The following RGS9 variants were observed in gnomAD, a reference collection of about 807,000 sequenced individuals.
The protein encoded by RGS9 is regulator of G protein signaling 9.
Under a neutral mutation model 102.0 loss-of-function variants are expected in RGS9, and 78 were observed. That is an observed-to-expected ratio of 0.76 (90% CI 0.64 to 0.92). RGS9 has a LOEUF of 0.92. Among genes scored for constraint, RGS9 ranks in the 40% least tolerant of loss-of-function variants. The pLI is 0.00. For synonymous variants in RGS9, 353 were observed against 318.6 expected (o/e 1.11, Z -1.15); for missense variants, 833 against 866.1 (o/e 0.96, Z 0.48).
rs143580636 is a variant in RGS9 at position 65,184,790 on chromosome 17, CTCTT to C, written c.655-4484_655-4481del. Reference sequence around the variant, plus strand: ...TTTCATTCTTTGTTTCTTTCTCTTTCTCTTTCTTTCTTTCTCTTTCTTTCCTCTC... The same window carrying C: ...TTTCATTCTTTGTTTCTTTCTCTTTCTCTTTCTTTCTCTTTCTTTCCTCTC... On this transcript the variant is annotated intron_variant, in intron 9 of 18. Transcript: ENST00000262406. 7.2e-3 allele frequency among the ~76,000 whole-genome samples: 1,033 copies of C among 144,316 alleles called. 12 individuals carry two copies. The highest frequency in any genetic ancestry group is 0.024 in the African/African-American group (932 of 38,284). The allele number at this position is 144,316 out of a possible 152,430, so 94.7% of individuals were successfully genotyped here.
intron 1 of RGS9, among the ~76,000 whole-genome samples, chr17:65,139,107 C>G (rs1338636632): frequency 1.1e-4 from 1 of 9,330 alleles, no homozygotes; most frequent in South Asian, 6.7e-3. Flanking sequence ...AGCTCTCCCC[C>G]CTCCACCCCA....
At chr17:65,192,513 C>T (rs193248325) in intron 11 of RGS9, among the ~76,000 whole-genome samples, 1 of 151,832 alleles carries the variant, frequency 6.6e-6, no homozygotes, top group African/African-American at 2.4e-5. Flanking sequence ...CATCATGACA[C>T]TGACGTGGGA....
chr17:65,178,093 C>A (rs191460134), intron 9 of RGS9, among the ~76,000 whole-genome samples: 1 of 152,240 alleles, frequency 6.6e-6, no homozygotes, highest in Non-Finnish European at 1.5e-5. Context: ...TCACTTCCCC[C>A]TTCGAAAATC....
intron 17 of RGS9, among the ~76,000 whole-genome samples, chr17:65,219,711 A>T (rs1166555782): frequency 1.3e-5 from 2 of 152,210 alleles, no homozygotes; most frequent in African/African-American, 4.8e-5. Context: ...CCAGGGACAA[A>T]ATATGAGTAA....
intron 9 of RGS9, among the ~76,000 whole-genome samples, chr17:65,187,128 T>C (rs973724711): frequency 6.6e-6 from 1 of 152,252 alleles, no homozygotes. Context: ...TGGAAAAAAA[T>C]GCTATTAAGC....
At chr17:65,168,111 GA>G (rs750676979) in intron 7 of RGS9, 88 bp from the exon 8 acceptor site, 15 of 812,690 alleles carry the variant, frequency 1.8e-5, no homozygotes, top group Non-Finnish European at 3.1e-5. Flanking sequence ...CAGGTTGGGA[GA>G]GGGGTCTAGG....
intron 8 of RGS9, among the ~76,000 whole-genome samples, chr17:65,169,278 A>C (rs1049625429): frequency 4.6e-5 from 7 of 152,070 alleles, no homozygotes; most frequent in Non-Finnish European, 8.8e-5. Context: ...TGTGTTGCTG[A>C]GGTTAAGGTG....
intron 1 of RGS9, among the ~76,000 whole-genome samples, chr17:65,150,739 C>A (rs1448162231): frequency 6.6e-6 from 1 of 152,204 alleles, no homozygotes; most frequent in Non-Finnish European, 1.5e-5. Context: ...TCTGCATTGT[C>A]CTAGAATATC....
intron 1 of RGS9, among the ~76,000 whole-genome samples, chr17:65,142,448 C>A (rs528869634): frequency 1.1e-4 from 16 of 152,246 alleles, no homozygotes; most frequent in Non-Finnish European, 1.8e-4. Context: ...GAGTAATTCT[C>A]AACCTGGGCT....
chr17:65,177,177 C>CCCAT (rs1911673413), intron 8 of RGS9, among the ~76,000 whole-genome samples: 1 of 146,272 alleles, frequency 6.8e-6, no homozygotes, highest in Non-Finnish European at 1.5e-5. Context: ...CATCCATCCA[C>CCCAT]CCATCCATCC....
At chr17:65,200,917 A>G (rs1191113867) in intron 13 of RGS9, among the ~76,000 whole-genome samples, 2 of 152,272 alleles carry the variant, frequency 1.3e-5, no homozygotes, top group Non-Finnish European at 2.9e-5. Flanking sequence ...GTGTCCATTG[A>G]CTGTTTATGT....
chr17:65,145,776 T>C (rs1227667784), intron 1 of RGS9, among the ~76,000 whole-genome samples: 2 of 152,066 alleles, frequency 1.3e-5, no homozygotes, highest in African/African-American at 4.8e-5. Flanking sequence ...TGTACGAATT[T>C]GTAGGGGGAC....
intron 1 of RGS9, among the ~76,000 whole-genome samples, chr17:65,151,082 T>C (rs1012649757): frequency 5.3e-5 from 8 of 152,204 alleles, no homozygotes. Context: ...TGGTGGCTCA[T>C]GCCTATAATG....
At chr17:65,162,681 T>C (rs1277286901) in intron 6 of RGS9, among the ~76,000 whole-genome samples, 1 of 151,566 alleles carries the variant, frequency 6.6e-6, no homozygotes, top group East Asian at 1.9e-4. Flanking sequence ...ATGTTAGCCA[T>C]GATGGTCTCG....
chr17:65,142,542 CTT>C (rs1351437793), intron 1 of RGS9, among the ~76,000 whole-genome samples: 1 of 148,988 alleles, frequency 6.7e-6, no homozygotes. Flanking sequence ...AAGCATTGGT[CTT>C]TTTATGCCAC....
chr17:65,188,948 A>G, intron 9 of RGS9: 1 of 333,260 alleles, frequency 3.0e-6, no homozygotes, highest in Non-Finnish European at 5.6e-6. Flanking sequence ...TATCTCAGAC[A>G]GGAATCTGTA....
intron 8 of RGS9, among the ~76,000 whole-genome samples, chr17:65,170,293 T>A (rs1911364061): frequency 6.6e-6 from 1 of 152,174 alleles, no homozygotes; most frequent in African/African-American, 2.4e-5. Flanking sequence ...GACCTCGTGA[T>A]CTGCCTGCCT....
intron 17 of RGS9, among the ~76,000 whole-genome samples, chr17:65,224,660 T>C (rs955838105): frequency 6.6e-6 from 1 of 152,116 alleles, no homozygotes; most frequent in Non-Finnish European, 1.5e-5. Flanking sequence ...CATTGCTCAT[T>C]TGGGGACTGG....
At chr17:65,185,368 A>G (rs1262974826) in intron 9 of RGS9, 1 of 152,522 alleles carries the variant, frequency 6.6e-6, no homozygotes, top group African/African-American at 2.4e-5. Context: ...GTGAAAGATC[A>G]TCAAAGCAAT....
Sources: allele counts gnomAD v4.1 joint callset (sites outside exome capture counted in the v4.1 genomes callset), GRCh38; gene constraint gnomAD v4.1.1; transcripts MANE v1.5; gene names NCBI Gene and HGNC (gene_info 2026-07-23, HGNC 2026-07-21).